MAML3: variants seen among roughly 807,000 people sequenced by gnomAD.
MAML3 encodes the protein mastermind-like protein 3.
A neutral mutation model predicts 101.9 loss-of-function variants in MAML3; 27 were observed. That is an observed-to-expected ratio of 0.27 (90% CI 0.20 to 0.37). MAML3 has a LOEUF of 0.37. MAML3 is among the 10% of genes least tolerant of loss of function. MAML3 has a pLI of 1.00. For synonymous variants in MAML3, 501 were observed against 555.9 expected (o/e 0.90, Z 1.39); for missense variants, 1,316 against 1,444.9 (o/e 0.91, Z 1.45).
intron 1 of MAML3, among the ~76,000 whole-genome samples, chr4:140,077,363 C>T (rs1372542638): frequency 8.5e-5 from 13 of 152,180 alleles, no homozygotes; most frequent in African/African-American, 2.7e-4. Flanking sequence ...GGGTTGTTCC[C>T]TCCTCACCCA....
intron 1 of MAML3, among the ~76,000 whole-genome samples, chr4:139,974,547 G>A (rs1318156221): frequency 6.6e-6 from 1 of 152,120 alleles, no homozygotes; most frequent in Non-Finnish European, 1.5e-5. Context: ...ACATTAAACA[G>A]CTAGTTGAGC....
intron 2 of MAML3, among the ~76,000 whole-genome samples, chr4:139,869,572 T>C (rs1348928661): frequency 2.0e-5 from 3 of 152,268 alleles, no homozygotes; most frequent in Middle Eastern, 3.4e-3. Flanking sequence ...AGAGTATTTC[T>C]CCATGATCAA....
chr4:139,962,130 T>G (rs989944462), intron 1 of MAML3, among the ~76,000 whole-genome samples: 20 of 152,080 alleles, frequency 1.3e-4, no homozygotes, highest in South Asian at 4.2e-4. Context: ...TTTTGTTTTT[T>G]TTTTTTAAAG....
intron 1 of MAML3, among the ~76,000 whole-genome samples, chr4:140,088,191 CT>C (rs1013458368): frequency 2.0e-4 from 31 of 151,696 alleles, no homozygotes; most frequent in African/African-American, 7.5e-4. Flanking sequence ...GCACTCCAGC[CT>C]GGGCAAAAAA....
intron 2 of MAML3, among the ~76,000 whole-genome samples, chr4:139,826,556 A>T (rs976131484): frequency 6.6e-6 from 1 of 152,202 alleles, no homozygotes; most frequent in Non-Finnish European, 1.5e-5. Context: ...TCAATTGCTG[A>T]GGAATTGTCA....
chr4:140,138,330 T>A (rs936597463), intron 1 of MAML3, among the ~76,000 whole-genome samples: 1 of 152,242 alleles, frequency 6.6e-6, no homozygotes, highest in Admixed American at 6.5e-5. Context: ...ATTGTCTCCA[T>A]GCTTCATTGA....
intron 2 of MAML3, among the ~76,000 whole-genome samples, chr4:139,849,463 A>C (rs1447876646): frequency 3.3e-5 from 5 of 152,208 alleles, no homozygotes; most frequent in African/African-American, 1.2e-4. Flanking sequence ...CAAATAAGAC[A>C]AGATCTGACC....
intron 1 of MAML3, among the ~76,000 whole-genome samples, chr4:139,944,336 C>A (rs566109170): frequency 6.6e-6 from 1 of 152,120 alleles, no homozygotes; most frequent in Non-Finnish European, 1.5e-5. Flanking sequence ...CCCTTCCCCC[C>A]ATCCCACCAC....
At chr4:140,149,488 A>C (rs1468379377) in intron 1 of MAML3, among the ~76,000 whole-genome samples, 1 of 152,184 alleles carries the variant, frequency 6.6e-6, no homozygotes, top group Non-Finnish European at 1.5e-5. Flanking sequence ...TAAATGTGTA[A>C]GATAGGAAAA....
intron 3 of MAML3, among the ~76,000 whole-genome samples, chr4:139,726,501 C>T (rs1028593078): frequency 6.6e-6 from 1 of 152,090 alleles, no homozygotes; most frequent in Non-Finnish European, 1.5e-5. Flanking sequence ...CATGGACTGC[C>T]CAACATCAGC....
intron 2 of MAML3, among the ~76,000 whole-genome samples, chr4:139,830,678 T>C (rs6832764): frequency 0.081 from 12,320 of 151,958 alleles, 1,537 homozygotes; most frequent in African/African-American, 0.27. Context: ...CCTCCCAAAG[T>C]GCTGGGATTA....
chr4:139,776,884 G>T (rs990516011), intron 2 of MAML3, among the ~76,000 whole-genome samples: 3 of 152,186 alleles, frequency 2.0e-5, no homozygotes, highest in Admixed American at 2.0e-4. Context: ...AAAATGGCAT[G>T]TAAAAAACTT....
chr4:140,100,080 C>T (rs914474166), intron 1 of MAML3, among the ~76,000 whole-genome samples: 5 of 151,688 alleles, frequency 3.3e-5, no homozygotes, highest in African/African-American at 1.2e-4. Context: ...GTTCCAGGCA[C>T]CCAGTCATTG....
intron 1 of MAML3, among the ~76,000 whole-genome samples, chr4:140,097,156 T>C (rs1013807129): frequency 6.6e-6 from 1 of 152,144 alleles, no homozygotes; most frequent in Non-Finnish European, 1.5e-5. Flanking sequence ...CTACCAAATA[T>C]AGAATGTCCC....
At chr4:140,074,199 G>GAGAAAGAA (rs57126361) in intron 1 of MAML3, among the ~76,000 whole-genome samples, 9,106 of 81,744 alleles carry the variant, frequency 0.11, 896 homozygotes, top group African/African-American at 0.16. Flanking sequence ...GAGAAAGAAA[G>GAGAAAGAA]AGAAAGAAAG....
At chr4:139,939,653 TG>T (rs752089992) in intron 1 of MAML3, among the ~76,000 whole-genome samples, 58 of 152,264 alleles carry the variant, frequency 3.8e-4, no homozygotes, top group Non-Finnish European at 6.8e-4. Context: ...TTGTTATTTG[TG>T]ACTTTTTTCC....
At chr4:139,806,870 T>A (rs1445478324) in intron 2 of MAML3, among the ~76,000 whole-genome samples, 1 of 152,220 alleles carries the variant, frequency 6.6e-6, no homozygotes, top group African/African-American at 2.4e-5. Flanking sequence ...GACATTATAT[T>A]TGTCTCATAT....
At chr4:140,148,269 A>G (rs1729098261) in intron 1 of MAML3, among the ~76,000 whole-genome samples, 1 of 152,190 alleles carries the variant, frequency 6.6e-6, no homozygotes, top group Non-Finnish European at 1.5e-5. Flanking sequence ...ACTCAGCTTG[A>G]AGAGCATTTT....
chr4:139,733,720 C>T (rs867080927), intron 2 of MAML3, among the ~76,000 whole-genome samples: 4 of 152,164 alleles, frequency 2.6e-5, no homozygotes, highest in African/African-American at 7.2e-5. Context: ...GGTTTCACTC[C>T]GTTGCCCAGG....
Sources: allele counts gnomAD v4.1 joint callset (sites outside exome capture counted in the v4.1 genomes callset), GRCh38; gene constraint gnomAD v4.1.1; transcripts MANE v1.5; gene names NCBI Gene and HGNC (gene_info 2026-07-23, HGNC 2026-07-21).